GRM1: variants seen among roughly 807,000 people sequenced by gnomAD.
GRM1 encodes the protein glutamate metabotropic receptor 1, also known as metabotropic glutamate receptor 1.
GRM1 carries 33 observed loss-of-function variants against 90.9 expected under a neutral mutation model. The observed-to-expected ratio is 0.36, with a 90% CI of 0.28 to 0.49. The LOEUF (loss-of-function observed/expected upper bound fraction) is 0.49, where lower values mean the gene tolerates loss of function less well. Among genes scored for constraint, GRM1 ranks in the 20% least tolerant of loss-of-function variants. The pLI is 0.99. For missense variants in GRM1, 1,190 were observed against 1,534.3 expected (o/e 0.78, Z 3.75); for synonymous variants, 700 against 613.2 (o/e 1.14, Z -2.09).
chr6:146,209,886 C>A (rs1420752039), intron 2 of GRM1, among the ~76,000 whole-genome samples: 1 of 152,020 alleles, frequency 6.6e-6, no homozygotes, highest in Non-Finnish European at 1.5e-5. Context: ...AATAAGCCTT[C>A]CAGGTTTAAG....
intron 1 of GRM1, among the ~76,000 whole-genome samples, chr6:146,130,807 GC>G (rs752083967): frequency 1.3e-5 from 2 of 152,086 alleles, no homozygotes; most frequent in Non-Finnish European, 2.9e-5. Context: ...TGTAAGGCTA[GC>G]CCCCCTCTCA....
chr6:146,157,799 C>G (rs1332581286), intron 1 of GRM1, among the ~76,000 whole-genome samples: 1 of 151,758 alleles, frequency 6.6e-6, no homozygotes, highest in Non-Finnish European at 1.5e-5. Flanking sequence ...AATATAAATG[C>G]CAGTGAAGAA....
intron 1 of GRM1, among the ~76,000 whole-genome samples, chr6:146,129,683 A>G (rs981336235): frequency 6.6e-6 from 1 of 152,152 alleles, no homozygotes; most frequent in African/African-American, 2.4e-5. Context: ...GCAACTGCAC[A>G]TTGTTAAAGG....
chr6:146,155,521 G>T (rs1218542444), intron 1 of GRM1, among the ~76,000 whole-genome samples: 1 of 152,150 alleles, frequency 6.6e-6, no homozygotes, highest in African/African-American at 2.4e-5. Context: ...AGTGTCACAT[G>T]ACTATATTGA....
At chr6:146,333,114 T>C (rs1784642446) in intron 3 of GRM1, among the ~76,000 whole-genome samples, 1 of 152,176 alleles carries the variant, frequency 6.6e-6, no homozygotes, top group African/African-American at 2.4e-5. Flanking sequence ...ATCAGGAAAG[T>C]AGTTAAAAAT....
At chr6:146,414,004 C>A (rs1777666778) in intron 7 of GRM1, among the ~76,000 whole-genome samples, 1 of 152,164 alleles carries the variant, frequency 6.6e-6, no homozygotes, top group Non-Finnish European at 1.5e-5. Context: ...AATAAAGGTA[C>A]AATCAACATA....
intron 1 of GRM1, among the ~76,000 whole-genome samples, chr6:146,069,273 T>C (rs1015110309): frequency 6.6e-5 from 10 of 152,212 alleles, no homozygotes; most frequent in African/African-American, 2.4e-4. Context: ...ACTGGTTATT[T>C]TGAACATTTT....
intron 2 of GRM1, among the ~76,000 whole-genome samples, chr6:146,276,561 A>T (rs1473638741): frequency 6.6e-6 from 1 of 152,164 alleles, no homozygotes; most frequent in Non-Finnish European, 1.5e-5. Flanking sequence ...TATGCCAATA[A>T]TTTTAAATTA....
rs1227400280 is a variant in GRM1, at chr6:146,107,790, G to C, written c.701-51558G>C. Among the ~76,000 whole-genome samples, 3 of 152,066 alleles carry C rather than the reference G, an allele frequency of 2.0e-5. No homozygotes were observed. In the East Asian group the frequency reaches 5.8e-4, roughly 29 times the overall value. ...GCCTCATTTTCCTAAAAAGACTTGG[G>C]ATTATCTGAGAGGCCACTTCCCTAA... On this transcript the variant is annotated intron_variant, in intron 1 of 7. Transcript: ENST00000282753.
chr6:146,286,683 C>T (rs1782776319), intron 2 of GRM1, among the ~76,000 whole-genome samples: 1 of 152,194 alleles, frequency 6.6e-6, no homozygotes, highest in South Asian at 2.1e-4. Context: ...AATTGGAAAG[C>T]GTAGTTGTTA....
intron 5 of GRM1, among the ~76,000 whole-genome samples, chr6:146,370,879 A>G (rs1775871927): frequency 6.6e-6 from 1 of 152,114 alleles, no homozygotes; most frequent in African/African-American, 2.4e-5. Context: ...CCTAGCACAT[A>G]GTTTGACTTA....
chr6:146,212,245 G>C (rs1779707816), intron 2 of GRM1, among the ~76,000 whole-genome samples: 1 of 152,200 alleles, frequency 6.6e-6, no homozygotes, highest in African/African-American at 2.4e-5. Context: ...CTGTAGCCTA[G>C]CTAAGTTGAC....
intron 6 of GRM1, among the ~76,000 whole-genome samples, chr6:146,387,674 T>C (rs1583425252): frequency 6.6e-6 from 1 of 152,006 alleles, no homozygotes; most frequent in African/African-American, 2.4e-5. Context: ...CAGAAAACCA[T>C]AGAACAAGTA....
chr6:146,167,732 T>G (rs1291065828), intron 2 of GRM1, among the ~76,000 whole-genome samples: 1 of 152,158 alleles, frequency 6.6e-6, no homozygotes, highest in Non-Finnish European at 1.5e-5. Flanking sequence ...GATTTTCAGG[T>G]TGTTTATCTT....
chr6:146,108,572 G>A (rs941294593), intron 1 of GRM1, among the ~76,000 whole-genome samples: 7 of 152,152 alleles, frequency 4.6e-5, no homozygotes, highest in Non-Finnish European at 1.0e-4. Flanking sequence ...CCCAGTCTCA[G>A]GTATGTCTTT....
intron 1 of GRM1, among the ~76,000 whole-genome samples, chr6:146,144,270 C>A (rs1336783529): frequency 6.6e-6 from 1 of 152,180 alleles, no homozygotes; most frequent in African/African-American, 2.4e-5. Flanking sequence ...ATCAGGGCCC[C>A]ACCCTTATGA....
chr6:146,268,440 T>C (rs1781999136), intron 2 of GRM1, among the ~76,000 whole-genome samples: 1 of 152,214 alleles, frequency 6.6e-6, no homozygotes, highest in African/African-American at 2.4e-5. Flanking sequence ...ACTACATTTG[T>C]ATCATTATCC....
chr6:146,192,808 T>C (rs1248352615), intron 2 of GRM1, among the ~76,000 whole-genome samples: 3 of 152,348 alleles, frequency 2.0e-5, no homozygotes, highest in Non-Finnish European at 4.4e-5. Context: ...TAGTTATACA[T>C]ATGGTCTGAC....
intron 1 of GRM1, among the ~76,000 whole-genome samples, chr6:146,109,258 G>A (rs1205807164): frequency 6.6e-6 from 1 of 152,136 alleles, no homozygotes; most frequent in Non-Finnish European, 1.5e-5. Context: ...AAGTGATTTT[G>A]TGGGCAGGGC....
Sources: gnomAD v4.1 joint callset for allele counts (sites outside exome capture counted in the v4.1 genomes callset) on GRCh38, gnomAD v4.1.1 for gene constraint, MANE v1.5 for transcripts, NCBI Gene and HGNC (gene_info 2026-07-23, HGNC 2026-07-21) for gene names.